The following C1orf159 variants were observed in gnomAD, a reference collection of about 807,000 sequenced individuals.
C1orf159 encodes the protein chromosome 1 open reading frame 159.
In C1orf159, 19 loss-of-function variants were observed where a neutral mutation model predicts 25.6. That is an observed-to-expected ratio of 0.74 (90% CI 0.52 to 1.09). The LOEUF is 1.09. Among genes scored for constraint, C1orf159 ranks in the 50% least tolerant of loss-of-function variants. The probability of loss-of-function intolerance (pLI) is 0.00; values close to 1 mark genes in which losing one functional copy is unlikely to be tolerated. For missense variants in C1orf159, 274 were observed against 290.6 expected (o/e 0.94, Z 0.42); for synonymous variants, 139 against 124.7 (o/e 1.12, Z -0.77).
intron 3 of C1orf159, 111 bp downstream of exon 3, chr1:1,091,361 G>T: frequency 9.5e-7 from 1 of 1,049,330 alleles, no homozygotes; most frequent in Non-Finnish European, 1.4e-6. Context: ...CTCTGGGGCT[G>T]GGACATCAGT....
Position 1,091,119 on chromosome 1 carries a change from C to T in C1orf159, c.72+353G>A, listed in dbSNP as rs568656882. 2.7e-4 allele frequency: 188 copies of T among 697,134 alleles called. No individual in the cohort carries two copies. In the African/African-American group the frequency reaches 3.1e-3, roughly 11 times the overall value. 43.2% of individuals were successfully genotyped at this position (697,134 alleles called of 1,614,324 possible). A position where few individuals can be genotyped will look rare whatever the true frequency, so the allele number is the denominator to read the frequency against. On this transcript the variant is annotated intron_variant, in intron 3 of 9. Transcript: ENST00000421241. ...CAGTGAGGGGTCCCCACCCTCCACC[C>T]GCTCCGCCTGGGAGTCTGGAGCCGC... is the stretch of plus-strand genomic sequence containing the variant.
intron 9 of C1orf159, chr1:1,083,777 G>A (rs540170584): frequency 6.8e-5 from 53 of 784,696 alleles, no homozygotes; most frequent in Non-Finnish European, 8.9e-5. Flanking sequence ...CTAAAGGCAC[G>A]GTCACCTGCC....
chr1:1,088,606 G>A (rs917828467), intron 4 of C1orf159, among the ~76,000 whole-genome samples: 1 of 151,598 alleles, frequency 6.6e-6, no homozygotes, highest in African/African-American at 2.4e-5. Flanking sequence ...CGGCCAGGGC[G>A]CCTTTAAGGA....
At chr1:1,083,985 G>A (rs1055076433) in intron 9 of C1orf159, 6 of 1,604,688 alleles carry the variant, frequency 3.7e-6, no homozygotes, top group Non-Finnish European at 5.1e-6. Context: ...CCTGGCGGAG[G>A]CCGGCTGCGT....
In C1orf159 at chr1:1,087,174, T is replaced by C; in HGVS notation, c.275A>G (p.Asn92Ser). 1 of 1,610,432 alleles carries C rather than the reference T, an allele frequency of 6.2e-7. No homozygotes were observed. ...FAGPGAPFPMNRSSGTPGRPH... is the reference protein window; with the variant it reads ...FAGPGAPFPMSRSSGTPGRPH... The stretch of plus-strand genomic sequence containing the variant: ...CCGCCCGGGGGTCCCTGAGCTTCTG[T>C]TCATGGGGAATGGCGCACCCGGGCC... The change falls in exon 6 of 10, where the codon AAC becomes AGC. Residue 92 changes from asparagine (N) to serine (S), a missense_variant. Asn to Ser is a conservative substitution (Grantham distance 46). Coordinates refer to ENST00000421241, the MANE Select transcript of C1orf159 (RefSeq NM_017891.5). The surrounding 1 kb of genome is among the most constrained non-coding windows in gnomAD (Gnocchi z 8.3).
At chr1:1,091,138 G>C (rs1326635402) in intron 3 of C1orf159, 2 of 643,732 alleles carry the variant, frequency 3.1e-6, no homozygotes. Flanking sequence ...TGGGAGTCTG[G>C]AGCCGCCGCA....
chr1:1,087,488 C>T lies in C1orf159; in HGVS notation c.244+14G>A. 1 of 1,541,896 alleles carries T rather than the reference C, an allele frequency of 6.5e-7. No individual in the cohort carries two copies. The highest frequency in any genetic ancestry group is 8.8e-7 in the Non-Finnish European group (1 of 1,140,748). ...GCTGTGAGAAGGGAGCCGGGGGGAG[C>T]CGGGCAGACCTACAGCTTCTACACT... is the stretch of plus-strand genomic sequence containing the variant. On this transcript the variant is annotated intron_variant, in intron 5 of 9. Coordinates refer to ENST00000421241, the MANE Select transcript of C1orf159 (RefSeq NM_017891.5). The surrounding 1 kb of genome is among the most constrained non-coding windows in gnomAD (Gnocchi z 8.3).
intron 1 of C1orf159, among the ~76,000 whole-genome samples, chr1:1,107,891 G>A (rs969522930): frequency 2.0e-5 from 3 of 152,152 alleles, no homozygotes; most frequent in Admixed American, 1.3e-4. Flanking sequence ...GTGAGACCAC[G>A]AACCCACCAG....
intron 9 of C1orf159, chr1:1,083,813 G>T: frequency 9.2e-7 from 1 of 1,091,814 alleles, no homozygotes; most frequent in Non-Finnish European, 1.3e-6. Context: ...TGCACAGGGG[G>T]ACGGAGGCCG....
chr1:1,091,220 C>T (rs1201229821), intron 3 of C1orf159: 3 of 617,746 alleles, frequency 4.9e-6, no homozygotes, highest in Non-Finnish European at 5.7e-6. Flanking sequence ...CATTGCGGGC[C>T]AGGATGCCTC....
chr1:1,091,526 G>A lies in C1orf159; in HGVS notation c.18C>T (p.Leu6=), dbSNP rs115833058. Residue 6 remains leucine, a synonymous_variant, in exon 3 of 10, where the codon CTC becomes CTT. Transcript: ENST00000421241. ...CCACGAGAAGGCCAGCCAGGAGGGCGAGGTGCCGCAGCGCCATGCCAGGAG... is the reference window on the plus strand; with the variant it reads ...CCACGAGAAGGCCAGCCAGGAGGGCAAGGTGCCGCAGCGCCATGCCAGGAG... MALRH[L]ALLAGLLVGV... 6.0e-4 allele frequency: 929 copies of A among 1,549,894 alleles called. 8 individuals carry two copies. The African/African-American group carries it at 0.01, about 17-fold the overall frequency.
chr1:1,086,731 G>A (rs551313834), intron 6 of C1orf159, among the ~76,000 whole-genome samples: 67 of 152,314 alleles, frequency 4.4e-4, no homozygotes, highest in Non-Finnish European at 6.5e-4. Flanking sequence ...ACCTGAGAGC[G>A]TGCAGTGTGG....
chr1:1,108,629 GCA>G (rs1646212793), intron 1 of C1orf159, among the ~76,000 whole-genome samples: 5 of 117,044 alleles, frequency 4.3e-5, no homozygotes, highest in African/African-American at 1.0e-4. Context: ...CCATGTCTCA[GCA>G]GCACCGTCCA....
At chr1:1,084,906 A>C (rs80085251) in intron 7 of C1orf159, among the ~76,000 whole-genome samples, 15,542 of 151,918 alleles carry the variant, frequency 0.1, 2,394 homozygotes, top group African/African-American at 0.33. Flanking sequence ...GGTGGCTTTG[A>C]GCCCCACGGC....
At position 1,110,496 on chromosome 1, in the gene C1orf159, A is replaced by G. The variant is rs1213246182; in HGVS notation, c.-136+5564T>C. ...AAATGGGCAAAAGACATCCTCGGAC[A>G]CTCAGAAAACGTGTGCGAATGGCAA... On this transcript the variant is annotated intron_variant, in intron 1 of 9. Coordinates refer to ENST00000421241, the MANE Select transcript of C1orf159 (RefSeq NM_017891.5). The surrounding 1 kb of genome is among the most constrained non-coding windows in gnomAD (Gnocchi z 4.8). Among the ~76,000 whole-genome samples, 3 of 151,594 alleles carry G rather than the reference A, an allele frequency of 2.0e-5. No homozygotes were observed. The highest frequency in any genetic ancestry group is 1.9e-4 in the East Asian group (1 of 5,200).
chr1:1,084,463 A>G lies in C1orf159; in HGVS notation c.471+18T>C. The stretch of plus-strand genomic sequence containing the variant: ...ACGCGGCCAGGGACGCTCAGCCCGG[A>G]TGATGTGGGTTACTTACGGCTTCGC... On this transcript the variant is annotated intron_variant, in intron 8 of 9. Coordinates refer to ENST00000421241, the MANE Select transcript of C1orf159 (RefSeq NM_017891.5). The G allele has an allele frequency of 6.4e-7, 1 of 1,568,658 alleles. No homozygotes were observed. The highest frequency in any genetic ancestry group is 2.4e-5 in the East Asian group (1 of 42,190).
chr1:1,099,686 T>C (rs1170208883), intron 1 of C1orf159, among the ~76,000 whole-genome samples: 696 of 113,976 alleles, frequency 6.1e-3, no homozygotes, highest in African/African-American at 0.015. Context: ...ATGTTTTTGG[T>C]CTATTGTTCT....
Position 1,082,569 on chromosome 1 carries a change from C to T in C1orf159, c.*324G>A, listed in dbSNP as rs1047608436. 13 of 392,856 alleles carry T rather than the reference C, an allele frequency of 3.3e-5. No homozygotes were observed. Among genetic ancestry groups the T allele is most frequent in the Non-Finnish European group, 5.2e-5 (11 of 210,608 alleles). The allele number at this position is 392,856 out of a possible 1,614,324, so 24.3% of individuals were successfully genotyped here. A position where few individuals can be genotyped will look rare whatever the true frequency, so the allele number is the denominator to read the frequency against. On this transcript the variant is annotated 3_prime_UTR_variant, in exon 10 of 10. Coordinates refer to ENST00000421241, the MANE Select transcript of C1orf159 (RefSeq NM_017891.5). ...GCAGAGCGGCACCTGCCCCATAGATCGTGCCAGCTTTGGCTGCAGGCGCTG... is the reference window on the plus strand; with the variant it reads ...GCAGAGCGGCACCTGCCCCATAGATTGTGCCAGCTTTGGCTGCAGGCGCTG...
Position 1,086,058 on chromosome 1 carries a change from GC to G in C1orf159, c.311-47del. 5 of 1,603,332 alleles carry G rather than the reference GC, an allele frequency of 3.1e-6. No individual in the cohort carries two copies. The South Asian group carries it at 5.5e-5, about 18-fold the overall frequency. On this transcript the variant is annotated intron_variant, in intron 6 of 9. Transcript: ENST00000421241. Reference sequence around the variant, plus strand: ...GCAGACGGGCAGGACGGTGGCCCTGGCTCCTCGCCTGGCCCCCGGTGCCCCC... The same window carrying G: ...GCAGACGGGCAGGACGGTGGCCCTGGTCCTCGCCTGGCCCCCGGTGCCCCC...
Sources: gnomAD v4.1 joint callset for allele counts (sites outside exome capture counted in the v4.1 genomes callset) on GRCh38, gnomAD v4.1.1 for gene constraint, Gnocchi (gnomAD v3.1) non-coding constraint, MANE v1.5 for transcripts, NCBI Gene and HGNC (gene_info 2026-07-23, HGNC 2026-07-21) for gene names.